The following FAM216A variants were observed in gnomAD, a reference collection of about 807,000 sequenced individuals.
FAM216A encodes family with sequence similarity 216 member A.
FAM216A carries 26 observed loss-of-function variants against 37.6 expected under a neutral mutation model. The observed-to-expected ratio is 0.69, with a 90% CI of 0.51 to 0.96. The LOEUF is 0.96. Ranked by LOEUF, FAM216A falls within the 40% of genes least tolerant of loss-of-function variation. FAM216A has a pLI of 0.00. For missense variants in FAM216A, 326 were observed against 339.3 expected, an observed-to-expected ratio of 0.96 and a Z score of 0.31; for synonymous variants, 110 against 121.7, an observed-to-expected ratio of 0.90 and a Z score of 0.64.
rs1444454949 is a variant in FAM216A, at chr12:110,490,383, C to T, written c.*246C>T. 1 of 402,638 alleles carries T rather than the reference C, an allele frequency of 2.5e-6. No individual in the cohort carries two copies. Among genetic ancestry groups the T allele is most frequent in the Non-Finnish European group, 4.5e-6 (1 of 224,026 alleles). The allele number at this position is 402,638 out of a possible 1,614,324, so 24.9% of individuals were successfully genotyped here. On this transcript the variant is annotated 3_prime_UTR_variant, in exon 7 of 7. Transcript: ENST00000377673. The stretch of plus-strand genomic sequence containing the variant: ...ATACAATTAAAACTTTTCTTGCATT[C>T]AATATTGAATTACTTTTCTTTAAAT...
At chr12:110,482,135 G>A (rs2062750606) in intron 2 of FAM216A, among the ~76,000 whole-genome samples, 1 of 151,704 alleles carries the variant, frequency 6.6e-6, no homozygotes, top group South Asian at 2.1e-4. Flanking sequence ...AGGCTGGAGT[G>A]CAGTGTTGCG....
At chr12:110,469,461 G>A (rs2062666265) in intron 1 of FAM216A, among the ~76,000 whole-genome samples, 1 of 152,150 alleles carries the variant, frequency 6.6e-6, no homozygotes, top group East Asian at 1.9e-4. Context: ...CTAGTGACAT[G>A]AGCCACCTTC....
chr12:110,483,650 C>A (rs2062760668), intron 2 of FAM216A, among the ~76,000 whole-genome samples: 1 of 151,988 alleles, frequency 6.6e-6, no homozygotes, highest in Non-Finnish European at 1.5e-5. Flanking sequence ...ATGGTAAAAC[C>A]CCATCTCTAC....
rs745677685 is a variant in FAM216A, at chr12:110,486,592, C to T, written c.495C>T (p.Tyr165=). ...CCCGTTACTCACAGAAACAGCATTA[C>T]CCTTGCACTACATGGCGACATCAAC... The part of the protein sequence containing the change: ...LSSRYSQKQH[Y]PCTTWRHQLE... Residue 165 remains tyrosine, a synonymous_variant, in exon 5 of 7, where the codon TAC becomes TAT. Coordinates refer to ENST00000377673, the MANE Select transcript of FAM216A (RefSeq NM_013300.3). The T allele has an allele frequency of 6.2e-7, 1 of 1,614,134 alleles. No individual in the cohort carries two copies. The highest frequency in any genetic ancestry group is 8.5e-7 in the Non-Finnish European group (1 of 1,180,038).
chr12:110,472,996 AAAAAAAAAT>A, intron 1 of FAM216A, 73 bp from the exon 2 acceptor site: 4 of 628,340 alleles, frequency 6.4e-6, no homozygotes, highest in Middle Eastern at 5.4e-4. Flanking sequence ...AAAAAAAAAA[AAAAAAAAAT>A]TGAAATATGT....
intron 2 of FAM216A, among the ~76,000 whole-genome samples, chr12:110,482,089 T>TC (rs60804125): frequency 0.53 from 78,938 of 148,528 alleles, 22,158 homozygotes; most frequent in East Asian, 0.91. Context: ...CTATATACTT[T>TC]TTTTTTTTTT....
At chr12:110,472,988 A>G (rs2062694909) in intron 1 of FAM216A, 90 bp from the exon 2 acceptor site, 2 of 574,488 alleles carry the variant, frequency 3.5e-6, no homozygotes, top group Non-Finnish European at 5.6e-6. Context: ...AAAAAAAAAA[A>G]AAAAAAAAAA....
At chr12:110,469,554 G>C (rs1211914811) in intron 1 of FAM216A, among the ~76,000 whole-genome samples, 1 of 151,838 alleles carries the variant, frequency 6.6e-6, no homozygotes, top group Non-Finnish European at 1.5e-5. Context: ...CTGTTGCCTA[G>C]GCTGGAATGC....
intron 5 of FAM216A, chr12:110,486,933 T>C (rs912049523): frequency 8.3e-5 from 42 of 503,794 alleles, no homozygotes; most frequent in Non-Finnish European, 1.4e-4. Flanking sequence ...TTAAAAAAAA[T>C]TGTTTGTACA....
intron 2 of FAM216A, among the ~76,000 whole-genome samples, chr12:110,483,253 G>A (rs1448308710): frequency 1.3e-5 from 2 of 150,304 alleles, no homozygotes; most frequent in African/African-American, 5.0e-5. Context: ...GAACCCGGGA[G>A]GTGGAGCTTG....
chr12:110,473,048 T>C (rs1254242729), intron 1 of FAM216A, 30 bp from the exon 2 acceptor site: 3 of 1,169,052 alleles, frequency 2.6e-6, no homozygotes, highest in Non-Finnish European at 3.7e-6. Flanking sequence ...AATTATTACA[T>C]ATTATTTATA....
At chr12:110,483,353 C>A (rs1172088871) in intron 2 of FAM216A, among the ~76,000 whole-genome samples, 2 of 138,856 alleles carry the variant, frequency 1.4e-5, no homozygotes, top group Non-Finnish European at 3.1e-5. Context: ...AGAGGCATTT[C>A]GTGATTTAAT....
intron 2 of FAM216A, among the ~76,000 whole-genome samples, chr12:110,480,963 C>A (rs2062743872): frequency 6.6e-6 from 1 of 152,164 alleles, no homozygotes; most frequent in African/African-American, 2.4e-5. Flanking sequence ...AACCTCCATT[C>A]TTTCACTCCG....
intron 2 of FAM216A, among the ~76,000 whole-genome samples, chr12:110,474,498 T>G (rs568477462): frequency 1.1e-3 from 161 of 151,912 alleles, no homozygotes; most frequent in Admixed American, 1.8e-3. Flanking sequence ...AAGACCAGCC[T>G]GACCAACATG....
At chr12:110,486,750 A>C in intron 5 of FAM216A, 33 bp downstream of exon 5, 3 of 1,569,482 alleles carry the variant, frequency 1.9e-6, no homozygotes, top group Non-Finnish European at 8.6e-7. Context: ...GGGGAAATGC[A>C]TCTCAGTTTA....
At chr12:110,476,700 G>A (rs1447097295) in intron 2 of FAM216A, among the ~76,000 whole-genome samples, 2 of 149,392 alleles carry the variant, frequency 1.3e-5, no homozygotes, top group Non-Finnish European at 3.0e-5. Flanking sequence ...GCTAATTTTT[G>A]TATTTTTAGT....
rs1051004987 is a variant in FAM216A, at chr12:110,485,188, T to A, written c.295T>A (p.Ser99Thr). Residue 99 changes from serine to threonine, a missense_variant, in exon 3 of 7, where the codon TCC (serine) becomes ACC (threonine). Physicochemically the swap from Ser to Thr is moderately conservative, Grantham distance 58 (BLOSUM62 1). Transcript: ENST00000377673. ...CCTCTCTAAATCAATGATGGAGGCG[T>A]CCTTTTTCAAGGTATGCTAACAGGG... is the stretch of plus-strand genomic sequence containing the variant. ...IHLSKSMMEA[S>T]FFKHPDLTTG... is the part of the protein sequence containing the mutation. The A allele has an allele frequency of 6.2e-7, 1 of 1,608,054 alleles. No homozygotes were observed. Among genetic ancestry groups the A allele is most frequent in the East Asian group, 2.2e-5 (1 of 44,760 alleles).
chr12:110,469,133 G>A (rs1318158348), intron 1 of FAM216A, 115 bp downstream of exon 1: 5 of 1,222,626 alleles, frequency 4.1e-6, no homozygotes, highest in Non-Finnish European at 5.3e-6. Context: ...CTCGGGGGCT[G>A]GCCCCGGTGC....
rs2062696087 is a variant in FAM216A at position 110,473,109 on chromosome 12, A to G, written c.175A>G (p.Lys59Glu). The change falls in exon 2 of 7, where the codon AAA (lysine) becomes GAA (glutamate). Residue 59 changes from lysine to glutamate, a missense_variant. Physicochemically the swap from Lys to Glu is moderately conservative, Grantham distance 56. Transcript: ENST00000377673. Reference protein sequence around the residue: ...SAGYSCYQNSKGSDRIKDGYK... With the variant: ...SAGYSCYQNSEGSDRIKDGYK... ...TGGATACTCTTGTTACCAGAATTCC[A>G]AAGGTTCTGGTGAGTAGTGCATATA... 6.4e-7 allele frequency: 1 copy of G among 1,566,156 alleles called. No homozygotes were observed. The highest frequency in any genetic ancestry group is 1.2e-5 in the South Asian group (1 of 85,990).
Sources: allele counts gnomAD v4.1 joint callset (sites outside exome capture counted in the v4.1 genomes callset), GRCh38; gene constraint gnomAD v4.1.1; transcripts MANE v1.5; gene names NCBI Gene and HGNC (gene_info 2026-07-23, HGNC 2026-07-21).